PPP1CC: variants seen among roughly 807,000 people sequenced by gnomAD.
PPP1CC encodes the protein serine/threonine-protein phosphatase PP1-gamma catalytic subunit.
PPP1CC carries 16 observed loss-of-function variants against 38.4 expected under a neutral mutation model. That is an observed-to-expected ratio of 0.42 (90% CI 0.28 to 0.63). PPP1CC has a LOEUF of 0.63. PPP1CC is among the 30% of genes least tolerant of loss of function. The pLI is 0.25. For synonymous variants in PPP1CC, 158 were observed against 136.0 expected, an observed-to-expected ratio of 1.16 and a Z score of -1.13; for missense variants, 170 against 391.3, an observed-to-expected ratio of 0.43 and a Z score of 4.77.
chr12:110,719,976 A>G lies in PPP1CC; in HGVS notation c.*1100T>C. On this transcript the variant is annotated 3_prime_UTR_variant, in exon 7 of 7. Transcript: ENST00000335007. ...CGGTATTGTACACGGTCATCTGTTG[A>G]AACAGATTTCTTTTTTAACAGATCT... is the stretch of plus-strand genomic sequence containing the variant. 1 of 624,310 alleles carries G rather than the reference A, an allele frequency of 1.6e-6. No individual in the cohort carries two copies. The highest frequency in any genetic ancestry group is 2.8e-6 in the Non-Finnish European group (1 of 362,608). 38.7% of individuals were successfully genotyped at this position (624,310 alleles called of 1,614,324 possible).
chr12:110,711,741 A>G, the PPP1CC span, among the ~76,000 whole-genome samples: 20 of 151,824 alleles, frequency 1.3e-4, no homozygotes, highest in Non-Finnish European at 2.5e-4. Flanking sequence ...CCTGACCAAC[A>G]TGGAAAAAAC....
At chr12:110,739,002 T>A (rs1286797158) in intron 1 of PPP1CC, among the ~76,000 whole-genome samples, 2 of 152,126 alleles carry the variant, frequency 1.3e-5, no homozygotes, top group Admixed American at 1.3e-4. Context: ...TGGATGTGAG[T>A]GTAAAAATTA....
chr12:110,708,684 A>G, the PPP1CC span, among the ~76,000 whole-genome samples: 1 of 151,898 alleles, frequency 6.6e-6, no homozygotes, highest in African/African-American at 2.4e-5. Context: ...CCCCGCCTTT[A>G]CTAAAAGTAC....
chr12:110,739,160 G>T (rs1002593118), intron 1 of PPP1CC, among the ~76,000 whole-genome samples: 2 of 151,914 alleles, frequency 1.3e-5, no homozygotes, highest in African/African-American at 4.8e-5. Flanking sequence ...ACAAAAACTT[G>T]GCCGAGCGTG....
At chr12:110,728,429 C>CCCTTTGCTGATA (rs2069834338) in intron 3 of PPP1CC, among the ~76,000 whole-genome samples, 1 of 142,648 alleles carries the variant, frequency 7.0e-6, no homozygotes, top group Admixed American at 6.9e-5. Context: ...AAACAAAAAA[C>CCCTTTGCTGATA]TCAAGAGTAA....
At chr12:110,708,850 C>CAAAAAAAAAAAA in the PPP1CC span, among the ~76,000 whole-genome samples, 1 of 65,436 alleles carries the variant, frequency 1.5e-5, no homozygotes, top group Non-Finnish European at 3.3e-5. Flanking sequence ...GAGTCCATCT[C>CAAAAAAAAAAAA]AAAAAAAAAA....
intron 2 of PPP1CC, among the ~76,000 whole-genome samples, chr12:110,731,146 C>G (rs1438961700): frequency 1.3e-5 from 2 of 152,062 alleles, no homozygotes; most frequent in Non-Finnish European, 2.9e-5. Context: ...TGCTGCACTT[C>G]TAGTGAGTCT....
intron 4 of PPP1CC, among the ~76,000 whole-genome samples, chr12:110,723,822 T>C (rs575533417): frequency 1.3e-5 from 2 of 152,248 alleles, no homozygotes; most frequent in Admixed American, 1.3e-4. Flanking sequence ...AAATAACTTT[T>C]AAAATCCAAG....
rs554965716 is a variant in PPP1CC at position 110,741,651 on chromosome 12, T to C, written c.55+1002A>G. ...TTTCTATTAACCTTTACTTAACCAC[T>C]GGCCACCTTCCTTCCTACATAAGGT... On this transcript the variant is annotated intron_variant, in intron 1 of 6. Coordinates refer to ENST00000335007, the MANE Select transcript of PPP1CC (RefSeq NM_002710.4). Among the ~76,000 whole-genome samples, 4 of 152,358 alleles carry C rather than the reference T, an allele frequency of 2.6e-5. No individual in the cohort carries two copies. The East Asian group carries it at 7.7e-4, about 29-fold the overall frequency.
At chr12:110,727,444 A>G (rs1368449533) in intron 3 of PPP1CC, among the ~76,000 whole-genome samples, 1 of 152,216 alleles carries the variant, frequency 6.6e-6, no homozygotes, top group Non-Finnish European at 1.5e-5. Flanking sequence ...TGAAAGGTTT[A>G]GCCAGGGTAA....
chr12:110,741,820 G>A (rs116536894), intron 1 of PPP1CC, among the ~76,000 whole-genome samples: 2,475 of 152,234 alleles, frequency 0.016, 57 homozygotes, highest in African/African-American at 0.056. Context: ...CAAATATCTT[G>A]CAATGGGTGG....
At chr12:110,740,005 G>C (rs1593587565) in intron 1 of PPP1CC, among the ~76,000 whole-genome samples, 1 of 152,148 alleles carries the variant, frequency 6.6e-6, no homozygotes, top group East Asian at 1.9e-4. Flanking sequence ...CAGAGGTGAT[G>C]CCTCGCTTAC....
chr12:110,722,033 T>G lies in PPP1CC; in HGVS notation c.882+102A>C. On this transcript the variant is annotated intron_variant, in intron 6 of 6. Coordinates refer to ENST00000335007, the MANE Select transcript of PPP1CC (RefSeq NM_002710.4). This position sits in a 1 kb window ranked among gnomAD's most constrained non-coding sequence, Gnocchi z 5.4. ...GTTAAGGGAAAATAAAAACTTAGCCTACTCAGCATAAGTGAACACTAGGCA... is the reference window on the plus strand; with the variant it reads ...GTTAAGGGAAAATAAAAACTTAGCCGACTCAGCATAAGTGAACACTAGGCA... 1.4e-6 allele frequency: 2 copies of G among 1,417,118 alleles called. No individual in the cohort carries two copies. Among genetic ancestry groups the G allele is most frequent in the Non-Finnish European group, 1.9e-6 (2 of 1,033,442 alleles). 87.8% of individuals were successfully genotyped at this position (1,417,118 alleles called of 1,614,324 possible). A position where few individuals can be genotyped will look rare whatever the true frequency, so the allele number is the denominator to read the frequency against.
chr12:110,719,511 C>T (rs1388370487), downstream of PPP1CC, among the ~76,000 whole-genome samples: 1 of 152,096 alleles, frequency 6.6e-6, no homozygotes, highest in Non-Finnish European at 1.5e-5. Flanking sequence ...TCCATATAAA[C>T]CAGGGAAGGG....
In PPP1CC at chr12:110,722,708, GAAA is replaced by G; in HGVS notation, c.524-16_524-14del. On this transcript the variant is annotated splice_polypyrimidine_tract_variant and intron_variant, in intron 4 of 6. Transcript: ENST00000335007. This position sits in a 1 kb window ranked among gnomAD's most constrained non-coding sequence, Gnocchi z 5.4. ...TCTGGTGATAAACCTATTCAATGAG[GAAA>G]AAAAAAAAATGAAGAAAGCAGAACT... 4.9e-6 allele frequency: 6 copies of G among 1,219,238 alleles called. No individual in the cohort carries two copies. The highest frequency in any genetic ancestry group is 4.5e-6 in the Non-Finnish European group (4 of 898,780). 75.5% of individuals were successfully genotyped at this position (1,219,238 alleles called of 1,614,324 possible).
rs55830991 is a variant in PPP1CC, at chr12:110,740,162, C to T, written c.55+2491G>A. ...TACTTCTCAACTAGGTTATACTGCT[C>T]GCAAGCTTAAAAGATCAATTCTAAA... On this transcript the variant is annotated intron_variant, in intron 1 of 6. Coordinates refer to ENST00000335007, the MANE Select transcript of PPP1CC (RefSeq NM_002710.4). 5.5e-3 allele frequency among the ~76,000 whole-genome samples: 841 copies of T among 152,182 alleles called. 8 individuals are homozygous for T. The highest frequency in any genetic ancestry group is 0.019 in the African/African-American group (788 of 41,516).
In PPP1CC at chr12:110,731,083, G is replaced by C. The variant is rs150927293; in HGVS notation, c.188-324C>G. ...ACATGGTATCCCTTTCAGGCTGACTGATCAATATCAGATCTCTGACAGCTC... is the reference window on the plus strand; with the variant it reads ...ACATGGTATCCCTTTCAGGCTGACTCATCAATATCAGATCTCTGACAGCTC... On this transcript the variant is annotated intron_variant, in intron 2 of 6. Coordinates refer to ENST00000335007, the MANE Select transcript of PPP1CC (RefSeq NM_002710.4). Among the ~76,000 whole-genome samples the C allele has an allele frequency of 2.6e-5, 4 of 152,248 alleles. No individual in the cohort carries two copies. In the East Asian group the frequency reaches 7.7e-4, roughly 29 times the overall value.
At chr12:110,721,537 T>A (rs2069738930) in intron 6 of PPP1CC, 1 of 175,122 alleles carries the variant, frequency 5.7e-6, no homozygotes, top group South Asian at 1.5e-4. Context: ...AAGCTGCAAG[T>A]TCTCTCTGAT....
chr12:110,738,354 C>G (rs2069972276), intron 1 of PPP1CC, among the ~76,000 whole-genome samples: 1 of 152,158 alleles, frequency 6.6e-6, no homozygotes. Flanking sequence ...AATGACTTTC[C>G]AGTTCTTTAT....
Sources: gnomAD v4.1 joint callset for allele counts (sites outside exome capture counted in the v4.1 genomes callset) on GRCh38, gnomAD v4.1.1 for gene constraint, Gnocchi (gnomAD v3.1) non-coding constraint, MANE v1.5 for transcripts, NCBI Gene and HGNC (gene_info 2026-07-23, HGNC 2026-07-21) for gene names.